PDS5A: variants seen among roughly 807,000 people sequenced by gnomAD.
The protein encoded by PDS5A is sister chromatid cohesion protein PDS5 homolog A.
PDS5A carries 42 observed loss-of-function variants against 167.1 expected under a neutral mutation model. The ratio of observed to expected loss-of-function variants is 0.25; its 90% confidence interval spans 0.20 to 0.33. The LOEUF (loss-of-function observed/expected upper bound fraction) is 0.33. Among genes scored for constraint, PDS5A ranks in the 10% least tolerant of loss-of-function variants. The pLI is 1.00. For missense variants in PDS5A, 1,033 were observed against 1,605.9 expected (o/e 0.64, Z 6.10); for synonymous variants, 553 against 554.6 (o/e 1.00, Z 0.04).
chr4:39,864,103 C>T (rs1297023213), intron 23 of PDS5A, among the ~76,000 whole-genome samples: 1 of 151,600 alleles, frequency 6.6e-6, no homozygotes, highest in Non-Finnish European at 1.5e-5. Context: ...GCACTCTACC[C>T]TGGCAACAGA....
rs1195073005 is a variant in PDS5A at position 39,977,152 on chromosome 4, C to T, written c.-41+305G>A. ...GGTAGTCCCCGCCGCGCTGCCACCCCTCCCCTGTTCCGCTCCCTCACCCCC... is the reference window on the plus strand; with the variant it reads ...GGTAGTCCCCGCCGCGCTGCCACCCTTCCCCTGTTCCGCTCCCTCACCCCC... On this transcript the variant is annotated intron_variant, in intron 1 of 32. Transcript: ENST00000303538. This position sits in a 1 kb window ranked among gnomAD's most constrained non-coding sequence, Gnocchi z 4.2. 1.3e-5 allele frequency among the ~76,000 whole-genome samples: 2 copies of T among 152,180 alleles called. No individual in the cohort carries two copies. The highest frequency in any genetic ancestry group is 4.8e-5 in the African/African-American group (2 of 41,464).
At position 39,824,500 on chromosome 4, in the gene PDS5A, T is replaced by C. The variant is rs532466528; in HGVS notation, c.*985A>G. On this transcript the variant is annotated 3_prime_UTR_variant, in exon 33 of 33. Transcript: ENST00000303538. ...CAAAAGCAAAACACTTATTTCCAAA[T>C]AGCACAATGCTGAAAATTGATAGCA... The C allele has an allele frequency of 6.6e-6, 1 of 152,644 alleles. No individual in the cohort carries two copies. Among genetic ancestry groups the C allele is most frequent in the South Asian group, 2.1e-4 (1 of 4,832 alleles). The allele number at this position is 152,644 out of a possible 1,614,324, so 9.5% of individuals were successfully genotyped here. A position where few individuals can be genotyped will look rare whatever the true frequency, so the allele number is the denominator to read the frequency against.
chr4:39,910,733 A>C (rs1054825112), intron 9 of PDS5A, among the ~76,000 whole-genome samples: 5 of 152,204 alleles, frequency 3.3e-5, no homozygotes, highest in Non-Finnish European at 7.3e-5. Flanking sequence ...GGTGGCTGAC[A>C]CCTGTAATCA....
At chr4:39,973,136 C>G in intron 2 of PDS5A, 1 of 668,156 alleles carries the variant, frequency 1.5e-6, no homozygotes, top group Non-Finnish European at 2.6e-6. Context: ...TTTTAAACAG[C>G]AGGAACACCA....
chr4:39,839,571 A>G (rs546342912), intron 31 of PDS5A, among the ~76,000 whole-genome samples: 22 of 152,136 alleles, frequency 1.4e-4, no homozygotes, highest in Non-Finnish European at 2.1e-4. Flanking sequence ...TCCATCTCAA[A>G]AAGTATCCTC....
chr4:39,861,375 T>C (rs936568286), intron 26 of PDS5A, among the ~76,000 whole-genome samples: 1 of 151,990 alleles, frequency 6.6e-6, no homozygotes, highest in Non-Finnish European at 1.5e-5. Context: ...GGAGAATCAC[T>C]TGAACTAGGG....
intron 26 of PDS5A, among the ~76,000 whole-genome samples, chr4:39,859,186 T>C (rs928156091): frequency 2.6e-5 from 4 of 152,202 alleles, no homozygotes; most frequent in Non-Finnish European, 5.9e-5. Context: ...AATTTTGCTA[T>C]ATATATTTAC....
At chr4:39,849,056 TAAAA>T in intron 27 of PDS5A, 86 bp from the exon 28 acceptor site, 2 of 942,496 alleles carry the variant, frequency 2.1e-6, no homozygotes, top group Non-Finnish European at 3.1e-6. Flanking sequence ...AATTTAGAGT[TAAAA>T]GAAGGATACT....
chr4:39,943,779 C>T (rs935528041), intron 2 of PDS5A, among the ~76,000 whole-genome samples: 1 of 151,696 alleles, frequency 6.6e-6, no homozygotes, highest in African/African-American at 2.4e-5. Context: ...TGCACTCCAG[C>T]CTGGGCAACA....
rs1719064715 is a variant in PDS5A, at chr4:39,862,251, T to C, written c.3054A>G (p.Ser1018=). ...LLAHDPDFTR[S]QDVDQLRDIK... is the part of the protein sequence containing the mutation. ...TATCACGAAGCTGATCAACATCTTG[T>C]GATCTTGTAAAATCTGGATCATGGG... is the stretch of plus-strand genomic sequence containing the variant. The change falls in exon 26 of 33, where the codon TCA becomes TCG. Residue 1018 remains serine, a synonymous_variant. Coordinates refer to ENST00000303538, the MANE Select transcript of PDS5A (RefSeq NM_001100399.2). The C allele has an allele frequency of 1.3e-6, 2 of 1,526,830 alleles. No homozygotes were observed. Among genetic ancestry groups the C allele is most frequent in the African/African-American group, 2.7e-5 (2 of 73,076 alleles). The allele number at this position is 1,526,830 out of a possible 1,614,324, so 94.6% of individuals were successfully genotyped here.
intron 2 of PDS5A, among the ~76,000 whole-genome samples, chr4:39,971,020 C>T (rs935142767): frequency 6.6e-6 from 1 of 151,506 alleles, no homozygotes; most frequent in Non-Finnish European, 1.5e-5. Flanking sequence ...GTTCCTCCCA[C>T]CTTGACCTCC....
At position 39,838,551 on chromosome 4, in the gene PDS5A, A is replaced by T. The variant is rs534588904; in HGVS notation, c.3658-343T>A. Among the ~76,000 whole-genome samples the T allele has an allele frequency of 2.0e-5, 3 of 152,256 alleles. No homozygotes were observed. The South Asian group carries it at 6.2e-4, about 32-fold the overall frequency. On this transcript the variant is annotated intron_variant, in intron 31 of 32. Transcript: ENST00000303538. ...ATCCCCGGCAACATAGTGAGATCCC[A>T]TCTCTACAAATAATTTAAAAAATTA...
At chr4:39,956,568 A>G (rs1202285059) in intron 2 of PDS5A, among the ~76,000 whole-genome samples, 1 of 151,912 alleles carries the variant, frequency 6.6e-6, no homozygotes, top group Non-Finnish European at 1.5e-5. Flanking sequence ...GCTATACAAC[A>G]TTATTTCAAA....
chr4:39,869,796 A>C (rs1015312572), intron 21 of PDS5A, among the ~76,000 whole-genome samples: 9 of 152,172 alleles, frequency 5.9e-5, no homozygotes, highest in African/African-American at 2.2e-4. Flanking sequence ...AGTCTCTTCA[A>C]CAAATGGTGC....
chr4:39,895,477 C>T (rs1722324746), intron 16 of PDS5A, among the ~76,000 whole-genome samples: 1 of 152,052 alleles, frequency 6.6e-6, no homozygotes. Context: ...AAACAGTACA[C>T]CTACATATAG....
chr4:39,906,490 TTAATA>T (rs1723360455), intron 11 of PDS5A, among the ~76,000 whole-genome samples: 4 of 151,642 alleles, frequency 2.6e-5, no homozygotes, highest in African/African-American at 9.7e-5. Context: ...TTGGGAAGGT[TTAATA>T]GGGTAGGAAA....
At chr4:39,905,498 C>T (rs762038564) in intron 11 of PDS5A, among the ~76,000 whole-genome samples, 7 of 152,134 alleles carry the variant, frequency 4.6e-5, no homozygotes, top group Admixed American at 2.0e-4. Flanking sequence ...GCGGAGGTTG[C>T]GGTGAGCCAA....
chr4:39,883,547 ATTC>A (rs1309925892), intron 17 of PDS5A, among the ~76,000 whole-genome samples: 1 of 152,140 alleles, frequency 6.6e-6, no homozygotes, highest in Non-Finnish European at 1.5e-5. Flanking sequence ...ACAGCAGAAG[ATTC>A]TTCTTCAAGC....
In PDS5A at chr4:39,949,547, C is replaced by T. The variant is rs182738868; in HGVS notation, c.139-21383G>A. Reference sequence around the variant, plus strand: ...ATGATAACTGTTCTAAAACTGACTACGAGCTGGTCAAAGTGGCTCACACAA... The same window carrying T: ...ATGATAACTGTTCTAAAACTGACTATGAGCTGGTCAAAGTGGCTCACACAA... On this transcript the variant is annotated intron_variant, in intron 2 of 32. Coordinates refer to ENST00000303538, the MANE Select transcript of PDS5A (RefSeq NM_001100399.2). Among the ~76,000 whole-genome samples the T allele has an allele frequency of 3.2e-4, 48 of 151,914 alleles. 1 individual carries two copies. The highest frequency in any genetic ancestry group is 1.9e-3 in the Admixed American group (29 of 15,206).
Sources: allele counts gnomAD v4.1 joint callset (sites outside exome capture counted in the v4.1 genomes callset), GRCh38; gene constraint gnomAD v4.1.1; non-coding constraint Gnocchi (gnomAD v3.1); transcripts MANE v1.5; gene names NCBI Gene and HGNC (gene_info 2026-07-23, HGNC 2026-07-21).